The following OSBPL2 variants were observed in gnomAD, a reference collection of about 807,000 sequenced individuals.
OSBPL2 encodes oxysterol binding protein like 2, also known as oxysterol-binding protein-related protein 2.
OSBPL2 carries 18 observed loss-of-function variants against 58.4 expected under a neutral mutation model. The observed-to-expected ratio is 0.31, with a 90% CI of 0.21 to 0.46. The LOEUF (loss-of-function observed/expected upper bound fraction) is 0.46. OSBPL2 is among the 20% of genes least tolerant of loss of function. OSBPL2 has a pLI of 1.00. For missense variants in OSBPL2, 461 were observed against 616.5 expected (o/e 0.75, Z 2.67); for synonymous variants, 221 against 234.1 (o/e 0.94, Z 0.51).
Position 62,295,042 on chromosome 20 carries a change from T to A in OSBPL2, c.*1155T>A, listed in dbSNP as rs902780275. ...ATCTCGGCTCACCGCAACCTCCGCC[T>A]CCCGGGTTCAAGCGATTCTCCTGCC... is the stretch of plus-strand genomic sequence containing the variant. On this transcript the variant is annotated 3_prime_UTR_variant, in exon 14 of 14. Coordinates refer to ENST00000313733, the MANE Select transcript of OSBPL2 (RefSeq NM_144498.4). This position sits in a 1 kb window ranked among gnomAD's most constrained non-coding sequence, Gnocchi z 4.8. 6.9e-6 allele frequency: 1 copy of A among 144,272 alleles called. No individual in the cohort carries two copies. Among genetic ancestry groups the A allele is most frequent in the Non-Finnish European group, 1.5e-5 (1 of 67,156 alleles). The allele number at this position is 144,272 out of a possible 1,614,324, so 8.9% of individuals were successfully genotyped here.
intron 4 of OSBPL2, among the ~76,000 whole-genome samples, chr20:62,264,161 A>C (rs978326513): frequency 6.6e-6 from 1 of 152,118 alleles, no homozygotes; most frequent in East Asian, 1.9e-4. Context: ...AAGTCAGGGG[A>C]AGAGGTGTTC....
intron 9 of OSBPL2, 168 bp downstream of exon 9, chr20:62,282,047 A>G (rs1259826145): frequency 4.6e-5 from 21 of 461,530 alleles, no homozygotes; most frequent in Non-Finnish European, 8.3e-5. Flanking sequence ...TTGGAAAGAC[A>G]TTTTGTTATT....
chr20:62,250,103 C>T (rs1168860894), intron 1 of OSBPL2, among the ~76,000 whole-genome samples: 2 of 152,238 alleles, frequency 1.3e-5, no homozygotes, highest in African/African-American at 2.4e-5. Context: ...CCTTCGTGAC[C>T]GGCTTCATGA....
intron 10 of OSBPL2, 90 bp from the exon 11 acceptor site, chr20:62,286,493 C>A: frequency 7.1e-7 from 1 of 1,414,588 alleles, no homozygotes; most frequent in African/African-American, 1.4e-5. Flanking sequence ...GCTCAGGTGA[C>A]TGGTCTGAAA....
intron 3 of OSBPL2, among the ~76,000 whole-genome samples, chr20:62,262,690 C>T (rs186600643): frequency 1.4e-3 from 206 of 152,298 alleles, no homozygotes; most frequent in Non-Finnish European, 2.2e-3. Context: ...GTGGCATTCC[C>T]GGGGCATAGC....
rs1477289729 is a variant in OSBPL2 at position 62,269,860 on chromosome 20, G to T, written c.259-2265G>T. The stretch of plus-strand genomic sequence containing the variant: ...CAGTCTTGGCCACACCCATGTGCCG[G>T]GGCTGCCTCAGTTGGAATCCAGTTC... On this transcript the variant is annotated intron_variant, in intron 4 of 13. Coordinates refer to ENST00000313733, the MANE Select transcript of OSBPL2 (RefSeq NM_144498.4). The surrounding 1 kb of genome is among the most constrained non-coding windows in gnomAD (Gnocchi z 4.2). 6.6e-6 allele frequency among the ~76,000 whole-genome samples: 1 copy of T among 152,202 alleles called. No individual in the cohort carries two copies. Among genetic ancestry groups the T allele is most frequent in the Non-Finnish European group, 1.5e-5 (1 of 68,028 alleles).
Position 62,280,762 on chromosome 20 carries a change from T to G in OSBPL2, c.675-296T>G, listed in dbSNP as rs4518039. ...CCGTGTGTGTTTCGTGAGGTGGCCT[T>G]TCTTTTGACGACTTCACAGGAAAGC... is the stretch of plus-strand genomic sequence containing the variant. On this transcript the variant is annotated intron_variant, in intron 7 of 13. Coordinates refer to ENST00000313733, the MANE Select transcript of OSBPL2 (RefSeq NM_144498.4). 2.3e-4 allele frequency among the ~76,000 whole-genome samples: 35 copies of G among 152,396 alleles called. No individual in the cohort carries two copies. In the East Asian group the frequency reaches 6.2e-3, roughly 27 times the overall value.
At chr20:62,257,185 T>G (rs905248682) in intron 2 of OSBPL2, among the ~76,000 whole-genome samples, 1 of 152,132 alleles carries the variant, frequency 6.6e-6, no homozygotes, top group African/African-American at 2.4e-5. Context: ...ACCTCCAGTC[T>G]GTGGCCCTGC....
At chr20:62,278,324 G>C (rs6062185) in intron 6 of OSBPL2, 1 of 155,536 alleles carries the variant, frequency 6.4e-6, no homozygotes, top group Non-Finnish European at 1.4e-5. Context: ...TGTCGTGTTT[G>C]TGTGTGTGTC....
At chr20:62,239,438 G>A (rs1351007660) in intron 1 of OSBPL2, among the ~76,000 whole-genome samples, 1 of 152,194 alleles carries the variant, frequency 6.6e-6, no homozygotes, top group Non-Finnish European at 1.5e-5. Context: ...CGACGAGGCA[G>A]TGGGTGTCGG....
intron 1 of OSBPL2, among the ~76,000 whole-genome samples, chr20:62,247,511 A>G (rs927318989): frequency 2.0e-5 from 3 of 152,114 alleles, no homozygotes; most frequent in Admixed American, 6.5e-5. Context: ...TGTGATCCCT[A>G]CGGGAATGAG....
intron 9 of OSBPL2, among the ~76,000 whole-genome samples, chr20:62,283,618 CA>C (rs1449643131): frequency 1.3e-5 from 2 of 152,222 alleles, no homozygotes; most frequent in Non-Finnish European, 2.9e-5. Flanking sequence ...ACACACACAA[CA>C]CATTGAGTGT....
At chr20:62,252,566 G>A (rs925287607) in intron 1 of OSBPL2, among the ~76,000 whole-genome samples, 6 of 152,208 alleles carry the variant, frequency 3.9e-5, no homozygotes, top group African/African-American at 1.2e-4. Flanking sequence ...CCAGGGGTCC[G>A]GGTGCTGCTG....
chr20:62,251,990 T>G (rs1980585786), intron 1 of OSBPL2, among the ~76,000 whole-genome samples: 1 of 143,302 alleles, frequency 7.0e-6, no homozygotes, highest in South Asian at 2.4e-4. Context: ...CGAGTGATCC[T>G]TCCACTTCAG....
intron 13 of OSBPL2, among the ~76,000 whole-genome samples, 183 bp downstream of exon 13, chr20:62,291,976 C>T (rs1200088556): frequency 6.6e-6 from 1 of 151,020 alleles, no homozygotes; most frequent in Non-Finnish European, 1.5e-5. Context: ...TGTTCCATGG[C>T]TCCATTAAGG....
chr20:62,271,623 T>C, intron 4 of OSBPL2: 1 of 154,894 alleles, frequency 6.5e-6, no homozygotes, highest in Non-Finnish European at 1.4e-5. Context: ...AGCTAATTTT[T>C]GAATTTTTAG....
At chr20:62,243,221 G>A (rs1464795508) in intron 1 of OSBPL2, among the ~76,000 whole-genome samples, 2 of 152,224 alleles carry the variant, frequency 1.3e-5, no homozygotes, top group African/African-American at 2.4e-5. Flanking sequence ...GTGGTGGCGA[G>A]CTCCTGCGAG....
intron 1 of OSBPL2, among the ~76,000 whole-genome samples, chr20:62,253,966 T>G (rs1198738790): frequency 6.6e-6 from 1 of 152,038 alleles, no homozygotes; most frequent in African/African-American, 2.4e-5. Context: ...CTAATTTTTT[T>G]TGAATTTTTT....
chr20:62,254,403 C>T (rs1449292355), intron 1 of OSBPL2, among the ~76,000 whole-genome samples: 1 of 152,244 alleles, frequency 6.6e-6, no homozygotes, highest in Non-Finnish European at 1.5e-5. Context: ...GTGAAGGGGA[C>T]CTGAGTGAGT....
Sources: gnomAD v4.1 joint callset for allele counts (sites outside exome capture counted in the v4.1 genomes callset) on GRCh38, gnomAD v4.1.1 for gene constraint, Gnocchi (gnomAD v3.1) non-coding constraint, MANE v1.5 for transcripts, NCBI Gene and HGNC (gene_info 2026-07-23, HGNC 2026-07-21) for gene names.